STK31: variants seen among roughly 807,000 people sequenced by gnomAD.
The protein encoded by STK31 is serine/threonine-protein kinase 31.
Under a neutral mutation model 129.7 loss-of-function variants are expected in STK31, and 89 were observed. That is an observed-to-expected ratio of 0.69 (90% CI 0.58 to 0.82). The LOEUF is 0.82. STK31 is among the 40% of genes least tolerant of loss of function. STK31 has a pLI of 0.00. For synonymous variants in STK31, 448 were observed against 395.3 expected, an observed-to-expected ratio of 1.13 and a Z score of -1.58; for missense variants, 1,187 against 1,176.4, an observed-to-expected ratio of 1.01 and a Z score of -0.13.
rs1349962776 is a variant in STK31, at chr7:23,710,309, T to C, written c.24T>C (p.Ser8=). Reference sequence around the variant, plus strand: ...GTATGTGGGTCCAGGGTCACTCTTCTAGAGCTTCCGCAACGGAAAGTGTGA... The same window carrying C: ...GTATGTGGGTCCAGGGTCACTCTTCCAGAGCTTCCGCAACGGAAAGTGTGA... MWVQGHS[S]RASATESVSF... The change falls in exon 1 of 24, where the codon TCT becomes TCC. Residue 8 remains serine (S), a synonymous_variant. Coordinates refer to ENST00000355870, the MANE Select transcript of STK31 (RefSeq NM_031414.5). The C allele has an allele frequency of 1.2e-6, 2 of 1,613,254 alleles. No individual in the cohort carries two copies. The highest frequency in any genetic ancestry group is 1.7e-5 in the Admixed American group (1 of 60,012).
At chr7:23,827,100 T>C (rs1462288681) in intron 23 of STK31, among the ~76,000 whole-genome samples, 2 of 152,192 alleles carry the variant, frequency 1.3e-5, no homozygotes, top group Non-Finnish European at 2.9e-5. Context: ...TTGAGGAGTA[T>C]CTTTGTGGCA....
At chr7:23,784,677 G>A (rs953882021) in intron 17 of STK31, among the ~76,000 whole-genome samples, 9 of 150,964 alleles carry the variant, frequency 6.0e-5, no homozygotes, top group African/African-American at 1.7e-4. Flanking sequence ...TAAATGTACC[G>A]ACAAGACTTA....
chr7:23,750,756 T>C (rs977066312), intron 8 of STK31, among the ~76,000 whole-genome samples: 3 of 152,220 alleles, frequency 2.0e-5, no homozygotes, highest in Non-Finnish European at 2.9e-5. Context: ...TCTTGGTACA[T>C]AGTATTTGTA....
chr7:23,784,776 A>G (rs1208015352), intron 17 of STK31, among the ~76,000 whole-genome samples: 11 of 152,126 alleles, frequency 7.2e-5, no homozygotes, highest in Admixed American at 7.2e-4. Context: ...GTTGATGATC[A>G]TATTTTAGTG....
At chr7:23,790,750 T>A in intron 21 of STK31, 74 bp from the exon 22 acceptor site, 1 of 1,310,298 alleles carries the variant, frequency 7.6e-7, no homozygotes, top group South Asian at 2.3e-5. Flanking sequence ...TTGTATTGAT[T>A]AAATGCAGAG....
chr7:23,727,131 T>C, intron 4 of STK31, 110 bp from the exon 5 acceptor site: 3 of 800,160 alleles, frequency 3.7e-6, no homozygotes, highest in Middle Eastern at 3.3e-4. Context: ...AAATGAGTTA[T>C]ATATAAAGTA....
intron 21 of STK31, among the ~76,000 whole-genome samples, chr7:23,789,820 A>G (rs1791509910): frequency 1.3e-5 from 2 of 152,274 alleles, no homozygotes; most frequent in African/African-American, 2.4e-5. Flanking sequence ...GTCATCTGTT[A>G]TTATTCCCCA....
At position 23,795,046 on chromosome 7, in the gene STK31, C is replaced by T. The variant is rs535479846; in HGVS notation, c.2760+4100C>T. ...AACTCAAGCCAGCTGCAGGAATTTG[C>T]ATAAGTAACAAGTAGCTGAATGTTA... On this transcript the variant is annotated intron_variant, in intron 22 of 23. Transcript: ENST00000355870. Among the ~76,000 whole-genome samples the T allele has an allele frequency of 3.6e-4, 55 of 152,308 alleles. No individual in the cohort carries two copies. In the South Asian group the frequency reaches 0.011, roughly 32 times the overall value.
At chr7:23,754,559 A>T in intron 10 of STK31, 85 bp downstream of exon 10, 2 of 1,424,684 alleles carry the variant, frequency 1.4e-6, no homozygotes, top group Non-Finnish European at 1.9e-6. Context: ...AAAAAATAAC[A>T]GGATACATGT....
At chr7:23,710,550 A>G (rs1473296375) in intron 1 of STK31, 5 of 1,412,550 alleles carry the variant, frequency 3.5e-6, no homozygotes, top group Non-Finnish European at 4.6e-6. Context: ...TCCGGCCTGA[A>G]TGATCTCCAT....
At chr7:23,797,651 A>T (rs1353864535) in intron 22 of STK31, among the ~76,000 whole-genome samples, 9 of 152,230 alleles carry the variant, frequency 5.9e-5, no homozygotes, top group African/African-American at 1.7e-4. Context: ...TGCCCACAGG[A>T]GAAAGCGGGA....
intron 4 of STK31, among the ~76,000 whole-genome samples, chr7:23,721,085 T>C (rs1475247855): frequency 6.6e-6 from 1 of 152,238 alleles, no homozygotes; most frequent in East Asian, 1.9e-4. Context: ...CACTTTGATA[T>C]CACTCTGAGC....
intron 22 of STK31, among the ~76,000 whole-genome samples, chr7:23,798,290 A>C (rs568049031): frequency 3.9e-4 from 60 of 152,300 alleles, no homozygotes; most frequent in Non-Finnish European, 6.6e-4. Context: ...TGCCAGAGAC[A>C]CAACAAAAAA....
intron 8 of STK31, among the ~76,000 whole-genome samples, chr7:23,740,238 C>A (rs1170415925): frequency 6.6e-6 from 1 of 152,166 alleles, no homozygotes; most frequent in African/African-American, 2.4e-5. Flanking sequence ...CCATGCCTTG[C>A]TAAATTAATG....
chr7:23,748,876 C>G (rs1371877869), intron 8 of STK31, among the ~76,000 whole-genome samples: 2 of 152,168 alleles, frequency 1.3e-5, no homozygotes, highest in Non-Finnish European at 1.5e-5. Context: ...CATAAATTTT[C>G]AAGACTGTTG....
At chr7:23,816,094 A>T (rs1418603183) in intron 23 of STK31, among the ~76,000 whole-genome samples, 2 of 152,176 alleles carry the variant, frequency 1.3e-5, no homozygotes, top group East Asian at 3.8e-4. Context: ...CATACCTTAG[A>T]AATGATATTA....
chr7:23,780,068 T>C (rs6461734), intron 15 of STK31, among the ~76,000 whole-genome samples: 149,815 of 152,250 alleles, frequency 0.98, 73,771 homozygotes, highest in South Asian at 1. Context: ...CAGTCCCTCA[T>C]GGCTTCCCTT....
At chr7:23,754,601 C>G in intron 10 of STK31, 127 bp downstream of exon 10, 1 of 1,027,460 alleles carries the variant, frequency 9.7e-7, no homozygotes, top group Non-Finnish European at 1.4e-6. Context: ...CATAGGTATA[C>G]ATGCGCCGTG....
chr7:23,782,852 T>C (rs1791021790), intron 16 of STK31, among the ~76,000 whole-genome samples: 1 of 152,234 alleles, frequency 6.6e-6, no homozygotes, highest in Admixed American at 6.5e-5. Context: ...ATTGAAATAT[T>C]ATCAGACATT....
Sources: allele counts gnomAD v4.1 joint callset (sites outside exome capture counted in the v4.1 genomes callset), GRCh38; gene constraint gnomAD v4.1.1; transcripts MANE v1.5; gene names NCBI Gene and HGNC (gene_info 2026-07-23, HGNC 2026-07-21).